Variants in TJP1 observed in about 807,000 individuals in gnomAD.
The protein encoded by TJP1 is tight junction protein ZO-1.
In TJP1, 43 loss-of-function variants were observed where a neutral mutation model predicts 194.2. The observed-to-expected ratio is 0.22, with a 90% CI of 0.17 to 0.29. The LOEUF is 0.29. Ranked by LOEUF, TJP1 falls within the 10% of genes least tolerant of loss-of-function variation. The probability of loss-of-function intolerance (pLI) is 1.00; values close to 1 mark genes in which losing one functional copy is unlikely to be tolerated. For synonymous variants in TJP1, 801 were observed against 779.0 expected (o/e 1.03, Z -0.47); for missense variants, 1,971 against 2,185.7 (o/e 0.90, Z 1.96).
At chr15:29,873,820 C>T (rs745661028) in intron 2 of TJP1, among the ~76,000 whole-genome samples, 8 of 152,058 alleles carry the variant, frequency 5.3e-5, no homozygotes, top group African/African-American at 1.9e-4. Context: ...CATTTCAACA[C>T]GAACAGGTAT....
intron 27 of TJP1, among the ~76,000 whole-genome samples, chr15:29,703,930 A>T (rs561992365): frequency 1.3e-5 from 2 of 152,332 alleles, no homozygotes; most frequent in South Asian, 4.1e-4. Context: ...GGCATGAGCC[A>T]CGGCGCCCGG....
At chr15:29,866,733 C>G (rs1438604660) in intron 2 of TJP1, among the ~76,000 whole-genome samples, 1 of 152,176 alleles carries the variant, frequency 6.6e-6, no homozygotes, top group Non-Finnish European at 1.5e-5. Flanking sequence ...TATAATTTGT[C>G]TTTCACAACA....
Position 29,960,119 on chromosome 15 carries a change from G to C in TJP1, c.174-3755C>G, listed in dbSNP as rs143214026. ...TAAATCTGTCTAGTGTTCTTCGTAA[G>C]TTTTTCTCTCATCTGACTTAGAAAG... On this transcript the variant is annotated intron_variant, in intron 1 of 28. Coordinates refer to the TJP1 transcript ENST00000356107. Among the ~76,000 whole-genome samples the C allele has an allele frequency of 2.0e-5, 3 of 152,196 alleles. No individual in the cohort carries two copies. In the East Asian group the frequency reaches 5.8e-4, roughly 29 times the overall value.
intron 2 of TJP1, among the ~76,000 whole-genome samples, chr15:29,861,183 T>C (rs1215077965): frequency 6.6e-6 from 1 of 152,196 alleles, no homozygotes; most frequent in East Asian, 1.9e-4. Flanking sequence ...ATGACAACTC[T>C]TATGTTTAAC....
intron 2 of TJP1, among the ~76,000 whole-genome samples, chr15:29,796,195 G>T (rs1200300488): frequency 6.6e-6 from 1 of 151,504 alleles, no homozygotes; most frequent in African/African-American, 2.4e-5. Context: ...AATAAGGCAA[G>T]AAAAAGAAAT....
chr15:29,749,037 G>A (rs2045050076), intron 8 of TJP1, among the ~76,000 whole-genome samples: 2 of 151,894 alleles, frequency 1.3e-5, no homozygotes, highest in South Asian at 2.1e-4. Context: ...TCATGTTTAC[G>A]TATTCCAGCT....
At chr15:29,728,537 G>A (rs1298283787) in intron 15 of TJP1, 3 of 154,140 alleles carry the variant, frequency 1.9e-5, no homozygotes, top group African/African-American at 7.2e-5. Context: ...CAGTAGAAGG[G>A]GAACCTGGGG....
At chr15:29,762,304 A>G (rs1400895375) in intron 6 of TJP1, 31 bp downstream of exon 6, 1 of 1,549,658 alleles carries the variant, frequency 6.5e-7, no homozygotes, top group Non-Finnish European at 8.9e-7. Flanking sequence ...TTTCTATTTC[A>G]GTTCATTAAA....
At chr15:29,929,368 T>C (rs2054628142) in intron 2 of TJP1, among the ~76,000 whole-genome samples, 1 of 152,106 alleles carries the variant, frequency 6.6e-6, no homozygotes, top group Admixed American at 6.5e-5. Context: ...ACGTGTGTAT[T>C]AGAAAAGAAG....
intron 2 of TJP1, among the ~76,000 whole-genome samples, chr15:29,780,713 C>A (rs765627605): frequency 1.3e-5 from 2 of 151,820 alleles, no homozygotes; most frequent in Non-Finnish European, 2.9e-5. Context: ...CAAGAAGATA[C>A]AAGACATGAA....
intron 2 of TJP1, among the ~76,000 whole-genome samples, chr15:29,786,205 T>C (rs945680360): frequency 7.9e-5 from 12 of 152,204 alleles, no homozygotes; most frequent in African/African-American, 2.7e-4. Flanking sequence ...TGTGTCTTCC[T>C]GTTTATTCTT....
chr15:29,933,949 C>G (rs1357394030), intron 2 of TJP1, among the ~76,000 whole-genome samples: 1 of 152,038 alleles, frequency 6.6e-6, no homozygotes, highest in Non-Finnish European at 1.5e-5. Context: ...ATTTTAGTAC[C>G]AAGGTACGTC....
chr15:29,869,593 T>C (rs1228224740), intron 2 of TJP1, among the ~76,000 whole-genome samples: 1 of 152,066 alleles, frequency 6.6e-6, no homozygotes, highest in African/African-American at 2.4e-5. Flanking sequence ...CTTCCTACTG[T>C]GGTCAAGGTT....
intron 2 of TJP1, among the ~76,000 whole-genome samples, chr15:29,949,607 ACC>A (rs2055525188): frequency 1.3e-5 from 1 of 75,870 alleles, no homozygotes; most frequent in African/African-American, 4.4e-5. Context: ...CACCACCTCC[ACC>A]TTCACCACCA....
chr15:29,810,361 G>T (rs1392012499), intron 1 of TJP1, among the ~76,000 whole-genome samples: 1 of 152,056 alleles, frequency 6.6e-6, no homozygotes, highest in Admixed American at 6.6e-5. Context: ...AACTTGAGGG[G>T]ACTAGAAATT....
intron 4 of TJP1, among the ~76,000 whole-genome samples, chr15:29,768,356 T>C (rs1446835133): frequency 6.6e-6 from 1 of 152,250 alleles, no homozygotes; most frequent in African/African-American, 2.4e-5. Flanking sequence ...AAAGCATTCC[T>C]AATGCTAGCT....
chr15:29,875,223 G>A (rs2152121646), intron 2 of TJP1, among the ~76,000 whole-genome samples: 1 of 152,350 alleles, frequency 6.6e-6, no homozygotes, highest in Non-Finnish European at 1.5e-5. Context: ...TAGGTGTGCA[G>A]CCCTATGATA....
intron 2 of TJP1, among the ~76,000 whole-genome samples, chr15:29,880,358 G>A (rs754601497): frequency 1.3e-5 from 2 of 152,132 alleles, no homozygotes; most frequent in African/African-American, 4.8e-5. Flanking sequence ...TTGGACATAC[G>A]CAAACATCTA....
intron 2 of TJP1, among the ~76,000 whole-genome samples, chr15:29,878,379 G>A (rs1044434966): frequency 1.3e-5 from 2 of 152,164 alleles, no homozygotes; most frequent in African/African-American, 4.8e-5. Context: ...CGGGTTAACT[G>A]TGACTAATCA....
Sources: gnomAD v4.1 joint callset for allele counts (sites outside exome capture counted in the v4.1 genomes callset) on GRCh38, gnomAD v4.1.1 for gene constraint, MANE v1.5 for transcripts, NCBI Gene and HGNC (gene_info 2026-07-23, HGNC 2026-07-21) for gene names.